OSBPL2: variants seen among roughly 807,000 people sequenced by gnomAD.
OSBPL2 encodes the protein oxysterol binding protein like 2.
Under a neutral mutation model 58.4 loss-of-function variants are expected in OSBPL2, and 18 were observed. The ratio of observed to expected loss-of-function variants is 0.31; its 90% CI spans 0.21 to 0.46. The LOEUF (loss-of-function observed/expected upper bound fraction) is 0.46, where lower values mean the gene tolerates loss of function less well. OSBPL2 is among the 20% of genes least tolerant of loss of function. The probability of loss-of-function intolerance (pLI) is 1.00; values close to 1 mark genes in which losing one functional copy is unlikely to be tolerated. For missense variants in OSBPL2, 461 were observed against 616.5 expected, an observed-to-expected ratio of 0.75 and a Z score of 2.67; for synonymous variants, 221 against 234.1, an observed-to-expected ratio of 0.94 and a Z score of 0.51.
At chr20:62,262,718 A>G (rs1350217405) in intron 3 of OSBPL2, among the ~76,000 whole-genome samples, 4 of 152,200 alleles carry the variant, frequency 2.6e-5, no homozygotes, top group Non-Finnish European at 5.9e-5. Context: ...CAGAGCAGAC[A>G]AGAGCTCGTG....
chr20:62,256,060 T>G lies in OSBPL2; in HGVS notation c.-125T>G. 1 of 1,168,602 alleles carries G rather than the reference T, an allele frequency of 8.6e-7. No individual in the cohort carries two copies. Among genetic ancestry groups the G allele is most frequent in the South Asian group, 1.5e-5 (1 of 64,690 alleles). The allele number at this position is 1,168,602 out of a possible 1,614,324, so 72.4% of individuals were successfully genotyped here. On this transcript the variant is annotated 5_prime_UTR_variant, in exon 2 of 14. Coordinates refer to ENST00000313733, the MANE Select transcript of OSBPL2 (RefSeq NM_144498.4). ...GCCAAAATTTTTTTCCCTTTAGATCTTCAGTGTCTATTGGATTTTTCCAAG... is the reference window on the plus strand; with the variant it reads ...GCCAAAATTTTTTTCCCTTTAGATCGTCAGTGTCTATTGGATTTTTCCAAG...
chr20:62,291,707 G>C lies in OSBPL2; in HGVS notation c.1254G>C (p.Leu418=). 6.2e-7 allele frequency: 1 copy of C among 1,613,622 alleles called. No homozygotes were observed. Among genetic ancestry groups the C allele is most frequent in the Non-Finnish European group, 8.5e-7 (1 of 1,179,880 alleles). ...AACTGTTTGCTTGGATCCTAGATCTGGCCAGCCAGGAGAAGGAGCGGCTGG... is the reference window on the plus strand; with the variant it reads ...AACTGTTTGCTTGGATCCTAGATCTCGCCAGCCAGGAGAAGGAGCGGCTGG... The part of the protein sequence containing the change: ...IRGMENGNMD[L]ASQEKERLEE... The change falls in exon 13 of 14, where the codon CTG becomes CTC. Residue 418 remains leucine, a synonymous_variant. Transcript: ENST00000313733.
chr20:62,250,991 C>T (rs2145920780), intron 1 of OSBPL2, among the ~76,000 whole-genome samples: 1 of 150,944 alleles, frequency 6.6e-6, no homozygotes, highest in East Asian at 1.9e-4. Flanking sequence ...CTAATTCTAA[C>T]TTGCCTTCTA....
At chr20:62,253,548 G>A (rs1401926028) in intron 1 of OSBPL2, among the ~76,000 whole-genome samples, 1 of 152,180 alleles carries the variant, frequency 6.6e-6, no homozygotes, top group Non-Finnish European at 1.5e-5. Context: ...GCCACAGGCT[G>A]GGCAGTTTAG....
intron 3 of OSBPL2, among the ~76,000 whole-genome samples, chr20:62,260,415 T>G (rs1374867934): frequency 6.6e-6 from 1 of 152,114 alleles, no homozygotes; most frequent in African/African-American, 2.4e-5. Context: ...TGTGAGAGGA[T>G]TTGGGGTGAC....
At position 62,284,483 on chromosome 20, in the gene OSBPL2, C is replaced by T. The variant is rs1029435945; in HGVS notation, c.996+314C>T. ...CCTCCAGCTACCAGGCTCAAGCAAT[C>T]CTCCCTCCTTAGCCTCCCAAGTGGC... is the stretch of plus-strand genomic sequence containing the variant. On this transcript the variant is annotated intron_variant, in intron 10 of 13. Coordinates refer to ENST00000313733, the MANE Select transcript of OSBPL2 (RefSeq NM_144498.4). 14 of 343,600 alleles carry T rather than the reference C, an allele frequency of 4.1e-5. 1 individual carries two copies. Among genetic ancestry groups the T allele is most frequent in the Admixed American group, 2.0e-4 (5 of 24,982 alleles). 21.3% of individuals were successfully genotyped at this position (343,600 alleles called of 1,614,324 possible).
At chr20:62,275,169 A>C (rs1408537712) in intron 6 of OSBPL2, among the ~76,000 whole-genome samples, 2 of 152,198 alleles carry the variant, frequency 1.3e-5, no homozygotes, top group Admixed American at 6.5e-5. Context: ...ACTGAACTCT[A>C]ACCTGGACTA....
chr20:62,248,353 ACCATGTTGG>A (rs963240233), intron 1 of OSBPL2, among the ~76,000 whole-genome samples: 7 of 151,450 alleles, frequency 4.6e-5, no homozygotes, highest in African/African-American at 1.7e-4. Context: ...ATGGGGTTTC[ACCATGTTGG>A]CCAGGCTGGT....
At chr20:62,261,092 C>T (rs1053103225) in intron 3 of OSBPL2, among the ~76,000 whole-genome samples, 2 of 151,862 alleles carry the variant, frequency 1.3e-5, no homozygotes, top group East Asian at 3.9e-4. Flanking sequence ...CCGAGGTGGG[C>T]GGATCATGAG....
intron 9 of OSBPL2, 26 bp downstream of exon 9, chr20:62,281,905 G>C: frequency 6.7e-7 from 1 of 1,491,016 alleles, no homozygotes; most frequent in East Asian, 2.3e-5. Context: ...GTGTTCATGG[G>C]GCACCACTAC....
At chr20:62,289,100 C>A in intron 11 of OSBPL2, 107 bp from the exon 12 acceptor site, 1 of 1,272,164 alleles carries the variant, frequency 7.9e-7, no homozygotes, top group Non-Finnish European at 1.1e-6. Context: ...CCCATGGTGG[C>A]AGTCAGGTAG....
At chr20:62,268,196 C>A (rs2145945636) in intron 4 of OSBPL2, among the ~76,000 whole-genome samples, 1 of 152,120 alleles carries the variant, frequency 6.6e-6, no homozygotes, top group Admixed American at 6.6e-5. Context: ...CGCGCCCGGC[C>A]AAATGACTGC....
At chr20:62,289,447 C>T in intron 12 of OSBPL2, 117 bp downstream of exon 12, 2 of 1,239,458 alleles carry the variant, frequency 1.6e-6, no homozygotes, top group Non-Finnish European at 2.2e-6. Context: ...GGAGCCCCGT[C>T]CCTCTCCCTA....
intron 7 of OSBPL2, 93 bp downstream of exon 7, chr20:62,279,432 C>T (rs1327158602): frequency 7.5e-7 from 1 of 1,328,816 alleles, no homozygotes. Flanking sequence ...CAGGAGGAAA[C>T]CCTGTCATTT....
intron 6 of OSBPL2, among the ~76,000 whole-genome samples, chr20:62,277,342 C>T (rs6062183): frequency 0.44 from 67,118 of 152,224 alleles, 14,845 homozygotes; most frequent in Middle Eastern, 0.47. Flanking sequence ...GAATGCAAGC[C>T]GCCTGGGCTG....
Position 62,294,865 on chromosome 20 carries a change from GTAAT to G in OSBPL2, c.*982_*985del, listed in dbSNP as rs1383443683. 6.6e-6 allele frequency: 1 copy of G among 152,014 alleles called. No individual in the cohort carries two copies. The highest frequency in any genetic ancestry group is 1.5e-5 in the Non-Finnish European group (1 of 68,002). The allele number at this position is 152,014 out of a possible 1,614,324, so 9.4% of individuals were successfully genotyped here. On this transcript the variant is annotated 3_prime_UTR_variant, in exon 14 of 14. Coordinates refer to ENST00000313733, the MANE Select transcript of OSBPL2 (RefSeq NM_144498.4). ...AGAGGCAGAATCTACTTACAGTGGT[GTAAT>G]TAAAGTTATTTAACCAAAAATAGGT...
chr20:62,287,944 G>A (rs1467409179), intron 11 of OSBPL2, among the ~76,000 whole-genome samples: 2 of 152,182 alleles, frequency 1.3e-5, no homozygotes, highest in Non-Finnish European at 2.9e-5. Flanking sequence ...GGAGGGAGGC[G>A]GGGCAGGTGG....
chr20:62,286,734 A>T (rs1323266337), intron 11 of OSBPL2, 23 bp downstream of exon 11: 5 of 1,598,390 alleles, frequency 3.1e-6, no homozygotes, highest in Non-Finnish European at 4.3e-6. Flanking sequence ...CCATGGCCTG[A>T]CGTCTCTGCC....
At chr20:62,250,406 G>A (rs1980446275) in intron 1 of OSBPL2, among the ~76,000 whole-genome samples, 1 of 152,120 alleles carries the variant, frequency 6.6e-6, no homozygotes, top group African/African-American at 2.4e-5. Context: ...GTGACCTCTG[G>A]GTGTCCCTTT....
Sources: gnomAD v4.1 joint callset for allele counts (sites outside exome capture counted in the v4.1 genomes callset) on GRCh38, gnomAD v4.1.1 for gene constraint, MANE v1.5 for transcripts, NCBI Gene and HGNC (gene_info 2026-07-23, HGNC 2026-07-21) for gene names.